Variants in RIMKLA observed in about 807,000 individuals in gnomAD.
The protein encoded by RIMKLA is N-acetylaspartylglutamate synthase A.
RIMKLA carries 14 observed loss-of-function variants against 32.7 expected under a neutral mutation model. The ratio of observed to expected loss-of-function variants is 0.43; its 90% CI spans 0.28 to 0.67. RIMKLA has a LOEUF of 0.67. Among genes scored for constraint, RIMKLA ranks in the 30% least tolerant of loss-of-function variants. The pLI, the probability that RIMKLA is intolerant of heterozygous loss-of-function variation, is 0.18. For missense variants in RIMKLA, 410 were observed against 519.0 expected (o/e 0.79, Z 2.04); for synonymous variants, 176 against 204.1 (o/e 0.86, Z 1.18).
At chr1:42,405,644 T>C (rs1643137403) in intron 3 of RIMKLA, among the ~76,000 whole-genome samples, 1 of 152,142 alleles carries the variant, frequency 6.6e-6, no homozygotes, top group South Asian at 2.1e-4. Flanking sequence ...AGTGAGACCA[T>C]GTCTCAAAAA....
chr1:42,410,651 A>T (rs534496520), intron 4 of RIMKLA, among the ~76,000 whole-genome samples: 1 of 152,176 alleles, frequency 6.6e-6, no homozygotes, highest in Non-Finnish European at 1.5e-5. Flanking sequence ...GTATGATGTT[A>T]TTAGAAAGCT....
intron 1 of RIMKLA, among the ~76,000 whole-genome samples, chr1:42,384,542 TATATATATGTGTGTATATATAC>T (rs891388405): frequency 1.4e-5 from 2 of 144,312 alleles, no homozygotes; most frequent in Admixed American, 1.4e-4. Context: ...CATATATATG[TATATATATGTGTGTATATATAC>T]ATATATATGT....
intron 1 of RIMKLA, 67 bp from the exon 2 acceptor site, chr1:42,399,337 G>A: frequency 2.5e-6 from 3 of 1,197,964 alleles, no homozygotes; most frequent in Non-Finnish European, 3.6e-6. Flanking sequence ...AGAGTCTGTT[G>A]GAACCATTTC....
At chr1:42,390,257 C>T (rs1041941814) in intron 1 of RIMKLA, among the ~76,000 whole-genome samples, 3 of 152,128 alleles carry the variant, frequency 2.0e-5, no homozygotes, top group Admixed American at 1.3e-4. Context: ...AGGCTGGTCT[C>T]GAACTTCAGA....
chr1:42,388,749 C>G (rs375884341), intron 1 of RIMKLA, among the ~76,000 whole-genome samples: 16 of 152,160 alleles, frequency 1.1e-4, no homozygotes, highest in African/African-American at 3.9e-4. Flanking sequence ...AACTCCTGAC[C>G]TCGTGATCCG....
At chr1:42,413,373 C>T (rs1050850832) in intron 4 of RIMKLA, among the ~76,000 whole-genome samples, 6 of 148,286 alleles carry the variant, frequency 4.0e-5, no homozygotes, top group African/African-American at 1.2e-4. Context: ...TAGTGGCGGG[C>T]GCCTGTAGTC....
rs1642879935 is a variant in RIMKLA at position 42,380,850 on chromosome 1, G to A, written c.-85G>A. 7 of 933,180 alleles carry A rather than the reference G, an allele frequency of 7.5e-6. No individual in the cohort carries two copies. The highest frequency in any genetic ancestry group is 9.4e-6 in the Non-Finnish European group (7 of 744,890). 57.8% of individuals were successfully genotyped at this position (933,180 alleles called of 1,614,324 possible). ...CCGTGGCGCGCTCGCCCCGGACGCC[G>A]GCCGCCCCTCCGCTCGCCCTACTGA... On this transcript the variant is annotated 5_prime_UTR_variant, in exon 1 of 5. Coordinates refer to ENST00000431473, the MANE Select transcript of RIMKLA (RefSeq NM_173642.4).
At chr1:42,389,067 ATATTGGGTGT>A (rs2148384802) in intron 1 of RIMKLA, among the ~76,000 whole-genome samples, 1 of 152,196 alleles carries the variant, frequency 6.6e-6, no homozygotes, top group East Asian at 1.9e-4. Flanking sequence ...ACTGGATCAG[ATATTGGGTGT>A]TCAGGAAAGA....
At chr1:42,400,088 T>C (rs1643083770) in intron 2 of RIMKLA, among the ~76,000 whole-genome samples, 3 of 152,154 alleles carry the variant, frequency 2.0e-5, no homozygotes, top group African/African-American at 7.2e-5. Flanking sequence ...GCTGAAGTTA[T>C]CTAGCTAAGC....
chr1:42,407,458 C>A (rs1643157475), intron 3 of RIMKLA, among the ~76,000 whole-genome samples: 1 of 152,026 alleles, frequency 6.6e-6, no homozygotes. Flanking sequence ...TAGTTTTAGC[C>A]CTTACCTTTG....
At chr1:42,383,823 TC>T (rs1642911823) in intron 1 of RIMKLA, among the ~76,000 whole-genome samples, 1 of 152,210 alleles carries the variant, frequency 6.6e-6, no homozygotes, top group Non-Finnish European at 1.5e-5. Context: ...TCTTCTAATT[TC>T]TAGCCCAGTG....
intron 2 of RIMKLA, among the ~76,000 whole-genome samples, chr1:42,403,929 G>A (rs1643121840): frequency 6.6e-6 from 1 of 152,122 alleles, no homozygotes. Context: ...CCATCAACTG[G>A]GGACATTCTC....
intron 1 of RIMKLA, among the ~76,000 whole-genome samples, chr1:42,384,975 T>C (rs1010555853): frequency 2.0e-5 from 3 of 152,218 alleles, no homozygotes; most frequent in Admixed American, 6.5e-5. Context: ...TTGCTTGCGC[T>C]CCTTTCTCTG....
chr1:42,388,047 T>C (rs1321269252), intron 1 of RIMKLA, among the ~76,000 whole-genome samples: 1 of 151,832 alleles, frequency 6.6e-6, no homozygotes, highest in African/African-American at 2.4e-5. Flanking sequence ...CAACAGGGAA[T>C]AGCAAGGGGG....
intron 2 of RIMKLA, among the ~76,000 whole-genome samples, chr1:42,402,591 C>CTTTT (rs34477169): frequency 7.0e-6 from 1 of 142,666 alleles, no homozygotes; most frequent in Non-Finnish European, 1.5e-5. Flanking sequence ...ACCTGGCTAA[C>CTTTT]TTTTTTTTTT....
At chr1:42,410,262 T>G in intron 4 of RIMKLA, 75 bp downstream of exon 4, 1 of 1,230,102 alleles carries the variant, frequency 8.1e-7, no homozygotes, top group Admixed American at 1.9e-5. Flanking sequence ...CCCTACTGTC[T>G]TGTCAGACCC....
chr1:42,411,490 T>G (rs7523401), intron 4 of RIMKLA, among the ~76,000 whole-genome samples: 2,944 of 151,122 alleles, frequency 0.019, 99 homozygotes, highest in African/African-American at 0.067. Flanking sequence ...TGAGACAGTC[T>G]TGCTCTGTTG....
chr1:42,417,331 ACAACC>A lies in RIMKLA; in HGVS notation c.*2358_*2362del, dbSNP rs1643257153. ...GAGAAAGCTGGATCACAGCTGGACC[ACAACC>A]AGCCCCAATCCAGGATTTCCCATAC... On this transcript the variant is annotated 3_prime_UTR_variant, in exon 5 of 5. Coordinates refer to ENST00000431473, the MANE Select transcript of RIMKLA (RefSeq NM_173642.4). 2 of 152,274 alleles carry A rather than the reference ACAACC, an allele frequency of 1.3e-5. No individual in the cohort carries two copies. The highest frequency in any genetic ancestry group is 4.8e-5 in the African/African-American group (2 of 41,458). The allele number at this position is 152,274 out of a possible 1,614,324, so 9.4% of individuals were successfully genotyped here. A position where few individuals can be genotyped will look rare whatever the true frequency, so the allele number is the denominator to read the frequency against.
At position 42,414,992 on chromosome 1, in the gene RIMKLA, G is replaced by T. The variant is rs781053816; in HGVS notation, c.*18G>T. ...TTAAGTGAATTCCTGCTTTTTGGCA[G>T]CATTTAAACCAAATCCTACTGCTTC... On this transcript the variant is annotated 3_prime_UTR_variant, in exon 5 of 5. Transcript: ENST00000431473. The T allele has an allele frequency of 6.3e-7, 1 of 1,584,224 alleles. No individual in the cohort carries two copies. Among genetic ancestry groups the T allele is most frequent in the East Asian group, 2.2e-5 (1 of 44,646 alleles).
Sources: gnomAD v4.1 joint callset for allele counts (sites outside exome capture counted in the v4.1 genomes callset) on GRCh38, gnomAD v4.1.1 for gene constraint, MANE v1.5 for transcripts, NCBI Gene and HGNC (gene_info 2026-07-23, HGNC 2026-07-21) for gene names.